VPS13A: variants seen among roughly 807,000 people sequenced by gnomAD.
VPS13A encodes intermembrane lipid transfer protein VPS13A.
VPS13A carries 264 observed loss-of-function variants against 390.9 expected under a neutral mutation model. The ratio of observed to expected loss-of-function variants is 0.68; its 90% confidence interval spans 0.61 to 0.75. VPS13A has a LOEUF of 0.75. Ranked by LOEUF, VPS13A falls within the 30% of genes least tolerant of loss-of-function variation. The probability of loss-of-function intolerance (pLI) is 0.00; values close to 1 mark genes in which losing one functional copy is unlikely to be tolerated. For missense variants in VPS13A, 3,409 were observed against 3,733.9 expected (o/e 0.91, Z 2.27); for synonymous variants, 1,231 against 1,227.1 (o/e 1.00, Z -0.07).
chr9:77,291,212 G>A (rs543240352), intron 31 of VPS13A, among the ~76,000 whole-genome samples: 51 of 150,252 alleles, frequency 3.4e-4, no homozygotes, highest in African/African-American at 1.3e-3. Context: ...CTGTGCATAC[G>A]CAGGATCTAG....
intron 47 of VPS13A, 27 bp from the exon 48 acceptor site, chr9:77,339,489 G>GT (rs765264048): frequency 0.028 from 31,167 of 1,106,216 alleles, 280 homozygotes; most frequent in Admixed American, 0.045. Flanking sequence ...TTTAAATTTT[G>GT]TTTTGTTTTT....
At chr9:77,320,516 C>T (rs1829683169) in intron 42 of VPS13A, among the ~76,000 whole-genome samples, 1 of 152,094 alleles carries the variant, frequency 6.6e-6, no homozygotes, top group Non-Finnish European at 1.5e-5. Context: ...ACTTGGTCAA[C>T]CTGCAGACAG....
intron 31 of VPS13A, among the ~76,000 whole-genome samples, chr9:77,285,030 C>T (rs1827253219): frequency 6.6e-6 from 1 of 152,032 alleles, no homozygotes; most frequent in Non-Finnish European, 1.5e-5. Flanking sequence ...AATATATCTA[C>T]AAGGTTAAAA....
At position 77,374,119 on chromosome 9, in the gene VPS13A, T is replaced by C. The variant is rs35229391; in HGVS notation, c.9077+2970T>C. Among the ~76,000 whole-genome samples the C allele has an allele frequency of 4.4e-3, 674 of 152,300 alleles. 8 individuals carry two copies. The highest frequency in any genetic ancestry group is 6.8e-3 in the Middle Eastern group (2 of 294). On this transcript the variant is annotated intron_variant, in intron 67 of 71. Coordinates refer to ENST00000360280, the MANE Select transcript of VPS13A (RefSeq NM_033305.3). ...TATTTCTTGGTTCAAACTCAGTTTG[T>C]CTTCACCCTTCCTTTATTATCTTAT...
chr9:77,409,271 A>G (rs1834788508), intron 71 of VPS13A, among the ~76,000 whole-genome samples: 1 of 152,250 alleles, frequency 6.6e-6, no homozygotes, highest in East Asian at 1.9e-4. Context: ...ATAAACAGAA[A>G]GGACATCCAC....
intron 34 of VPS13A, among the ~76,000 whole-genome samples, chr9:77,303,913 A>C (rs376193632): frequency 2.4e-4 from 35 of 148,674 alleles, no homozygotes; most frequent in African/African-American, 4.6e-4. Flanking sequence ...ACATTCAGTT[A>C]CCAGGGGCAG....
At chr9:77,287,784 G>A (rs1827418606) in intron 31 of VPS13A, among the ~76,000 whole-genome samples, 1 of 152,152 alleles carries the variant, frequency 6.6e-6, no homozygotes, top group Admixed American at 6.5e-5. Flanking sequence ...TAGCAGGAAG[G>A]TGCTTGCTAT....
In VPS13A at chr9:77,238,207, A is replaced by G. The variant is rs1016268713; in HGVS notation, c.1785+16A>G. The G allele has an allele frequency of 1.5e-5, 24 of 1,610,444 alleles. No homozygotes were observed. Among genetic ancestry groups the G allele is most frequent in the Non-Finnish European group, 1.9e-5 (22 of 1,177,000 alleles). ...ATATGATGCAGTAAGCATTTTTTTA[A>G]ATTACTAAGTTTTAATATAATTTAG... On this transcript the variant is annotated intron_variant, in intron 18 of 71. Transcript: ENST00000360280.
intron 71 of VPS13A, among the ~76,000 whole-genome samples, chr9:77,411,877 A>C (rs929573077): frequency 1.3e-4 from 20 of 151,954 alleles, no homozygotes; most frequent in Admixed American, 3.3e-4. Flanking sequence ...AGAGGGAAGA[A>C]TCAAATAGAT....
intron 42 of VPS13A, among the ~76,000 whole-genome samples, chr9:77,320,560 A>G (rs891814123): frequency 6.6e-6 from 1 of 152,120 alleles, no homozygotes; most frequent in Non-Finnish European, 1.5e-5. Context: ...TAAAGTAACA[A>G]CAGAGGTGAC....
chr9:77,317,679 T>G lies in VPS13A; in HGVS notation c.4937T>G (p.Val1646Gly). ...GATCCACAAGTGATCGATATGTCAG[T>G]AAAATCCCTGACACTAAAGGTAAAT... ...GTDPQVIDMS[V>G]KSLTLKVSPV... Residue 1646 changes from valine (V) to glycine (G), a missense_variant, in exon 40 of 72, where the codon GTA becomes GGA. This residue lies in a region of VPS13A where 2,717 missense variants were observed against 2,917.4 expected (regional missense o/e 0.93). Coordinates refer to ENST00000360280, the MANE Select transcript of VPS13A (RefSeq NM_033305.3). The G allele has an allele frequency of 6.3e-7, 1 of 1,597,214 alleles. No homozygotes were observed. Among genetic ancestry groups the G allele is most frequent in the East Asian group, 2.3e-5 (1 of 44,230 alleles).
Position 77,371,136 on chromosome 9 carries a change from C to T in VPS13A, c.9064C>T (p.Gln3022Ter). Residue 3022 changes from glutamine to a stop codon, truncating the protein, a stop_gained, in exon 67 of 72, where the codon CAG (glutamine) becomes TAG (stop). Transcript: ENST00000360280. LOFTEE classifies it high-confidence loss of function. The stretch of plus-strand genomic sequence containing the variant: ...CATAGACATGGCTAGCAGTACATTT[C>T]AGGGAATAAAAAGGTAAATCCTCTT... ...GIIDMASSTF[Q>*]GIKRATETSE... is the part of the protein sequence containing the mutation. The T allele has an allele frequency of 6.2e-7, 1 of 1,614,050 alleles. No individual in the cohort carries two copies. Among genetic ancestry groups the T allele is most frequent in the Non-Finnish European group, 8.5e-7 (1 of 1,179,962 alleles).
chr9:77,406,577 C>T lies in VPS13A; in HGVS notation c.9399+590C>T, dbSNP rs1007727449. Among the ~76,000 whole-genome samples the T allele has an allele frequency of 4.6e-5, 7 of 152,122 alleles. No homozygotes were observed. In the South Asian group the frequency reaches 6.2e-4, roughly 14 times the overall value. ...GGATTACAGGCATGTGCCACCATGC[C>T]GACTAATTTTTGTATTTTTAGTACA... On this transcript the variant is annotated intron_variant, in intron 70 of 71. Transcript: ENST00000360280.
intron 55 of VPS13A, 151 bp from the exon 56 acceptor site, chr9:77,357,541 T>C: frequency 1.4e-6 from 1 of 733,880 alleles, no homozygotes; most frequent in South Asian, 2.2e-5. Context: ...TATATGAATA[T>C]GTGAATTTTA....
At chr9:77,327,836 C>T (rs1375220913) in intron 45 of VPS13A, among the ~76,000 whole-genome samples, 1 of 152,044 alleles carries the variant, frequency 6.6e-6, no homozygotes, top group Non-Finnish European at 1.5e-5. Context: ...CCATTGAAGT[C>T]CTGAATTCCT....
At chr9:77,411,557 G>C (rs2131667420) in intron 71 of VPS13A, among the ~76,000 whole-genome samples, 1 of 150,924 alleles carries the variant, frequency 6.6e-6, no homozygotes, top group Non-Finnish European at 1.5e-5. Flanking sequence ...CAGCTACGCG[G>C]GAGGCTGAGG....
chr9:77,350,630 A>C (rs1376367623), intron 52 of VPS13A, among the ~76,000 whole-genome samples: 1 of 152,120 alleles, frequency 6.6e-6, no homozygotes, highest in Non-Finnish European at 1.5e-5. Context: ...TTGAACTGTG[A>C]GAGTAACATT....
intron 24 of VPS13A, among the ~76,000 whole-genome samples, chr9:77,274,219 A>G (rs1398367939): frequency 3.9e-5 from 6 of 152,008 alleles, no homozygotes; most frequent in African/African-American, 1.4e-4. Context: ...CATGAGGTCA[A>G]GAGATCGAGA....
chr9:77,288,932 T>G (rs1252085894), intron 31 of VPS13A, among the ~76,000 whole-genome samples: 1 of 152,196 alleles, frequency 6.6e-6, no homozygotes, highest in African/African-American at 2.4e-5. Flanking sequence ...TGTATGAATT[T>G]TATGCCCCTT....
Sources: allele counts gnomAD v4.1 joint callset (sites outside exome capture counted in the v4.1 genomes callset), GRCh38; gene constraint gnomAD v4.1.1; regional missense constraint gnomAD v4.1.1; transcripts MANE v1.5; gene names NCBI Gene and HGNC (gene_info 2026-07-23, HGNC 2026-07-21).